Variants in MCFD2 observed in about 807,000 individuals in gnomAD.
MCFD2 encodes the protein multiple coagulation factor deficiency 2, ER cargo receptor complex subunit, also known as multiple coagulation factor deficiency protein 2.
A neutral mutation model predicts 12.8 loss-of-function variants in MCFD2; 11 were observed. That is an observed-to-expected ratio of 0.86 (90% CI 0.54 to 1.42). The LOEUF is 1.42. Ranked by LOEUF, MCFD2 falls within the 40% of genes most tolerant of loss-of-function variation. MCFD2 has a pLI of 0.00. For synonymous variants in MCFD2, 70 were observed against 68.1 expected (o/e 1.03, Z -0.14); for missense variants, 191 against 178.6 (o/e 1.07, Z -0.40).
At chr2:46,935,549 G>T (rs538103680) in intron 1 of MCFD2, among the ~76,000 whole-genome samples, 1 of 152,074 alleles carries the variant, frequency 6.6e-6, no homozygotes, top group Non-Finnish European at 1.5e-5. Flanking sequence ...TAAGCTTTGC[G>T]TTATCACAAA....
upstream of MCFD2, chr2:46,915,814 C>CCG: frequency 1.1e-4 from 1 of 9,292 alleles, no homozygotes; most frequent in Non-Finnish European, 2.0e-4. Flanking sequence ...TCGCCCCGCC[C>CCG]CCCCCCCCCC....
At chr2:46,923,465 A>G (rs1007908578) in intron 1 of MCFD2, among the ~76,000 whole-genome samples, 1 of 152,238 alleles carries the variant, frequency 6.6e-6, no homozygotes, top group African/African-American at 2.4e-5. Context: ...AACAGGGTCA[A>G]AGACCAAATA....
chr2:46,928,049 G>A lies in MCFD2; in HGVS notation c.-8+13523C>T, dbSNP rs567647591. On this transcript the variant is annotated intron_variant, in intron 1 of 2. Coordinates refer to the MCFD2 transcript ENST00000409147. ...GCTGACCACTGGCATACACCACCAC[G>A]CCCAGCTAGTTTTTGCATTTTTTGT... is the stretch of plus-strand genomic sequence containing the variant. Among the ~76,000 whole-genome samples, 11 of 151,536 alleles carry A rather than the reference G, an allele frequency of 7.3e-5. No individual in the cohort carries two copies. In the East Asian group the frequency reaches 2.0e-3, roughly 27 times the overall value.
At chr2:46,911,946 G>A (rs1436039092) in intron 1 of MCFD2, among the ~76,000 whole-genome samples, 1 of 152,110 alleles carries the variant, frequency 6.6e-6, no homozygotes, top group Admixed American at 6.5e-5. Flanking sequence ...AATACTATAT[G>A]GATCGGATAC....
intron 1 of MCFD2, among the ~76,000 whole-genome samples, chr2:46,926,527 C>G (rs1012178290): frequency 1.3e-5 from 2 of 152,188 alleles, no homozygotes; most frequent in Non-Finnish European, 2.9e-5. Flanking sequence ...GATGAGCCTT[C>G]TCATGGACCA....
At chr2:46,920,629 CCTTAGT>C (rs1669054548), upstream of MCFD2, among the ~76,000 whole-genome samples, 1 of 150,180 alleles carries the variant, frequency 6.7e-6, no homozygotes, top group Admixed American at 6.6e-5. Context: ...CCATGCCTGG[CCTTAGT>C]CTTAGGCTTT....
chr2:46,938,311 A>C (rs554189960), intron 1 of MCFD2, among the ~76,000 whole-genome samples: 1 of 152,356 alleles, frequency 6.6e-6, no homozygotes, highest in South Asian at 2.1e-4. Flanking sequence ...ACAAAATATC[A>C]ATCTTAAACT....
At chr2:46,926,646 G>C in intron 1 of MCFD2, among the ~76,000 whole-genome samples, 1 of 152,216 alleles carries the variant, frequency 6.6e-6, no homozygotes, top group East Asian at 1.9e-4. Context: ...AAAGCAACTG[G>C]ACGTCCTTTC....
intron 1 of MCFD2, among the ~76,000 whole-genome samples, chr2:46,911,874 G>A (rs981259107): frequency 6.6e-6 from 1 of 151,846 alleles, no homozygotes; most frequent in Non-Finnish European, 1.5e-5. Context: ...GCAGTGAGCC[G>A]AGATCTGCTA....
At chr2:46,912,093 C>G (rs764926360) in intron 1 of MCFD2, among the ~76,000 whole-genome samples, 2 of 151,882 alleles carry the variant, frequency 1.3e-5, no homozygotes, top group Non-Finnish European at 2.9e-5. Context: ...CCCAACACTT[C>G]GGGAGGCCGA....
At position 46,915,756 on chromosome 2, in the gene MCFD2, C is replaced by G. The variant is rs528217710; in HGVS notation, c.-40G>C. On this transcript the variant is annotated 5_prime_UTR_variant, in exon 1 of 4. Coordinates refer to ENST00000319466, the MANE Select transcript of MCFD2 (RefSeq NM_139279.6). ...TCTCCGAAGCAGACGCGAAGCCCTC[C>G]AACGTGAGCCTCACCAGCCCCCGTC... 6.3e-5 allele frequency: 62 copies of G among 979,802 alleles called. No homozygotes were observed. Among genetic ancestry groups the G allele is most frequent in the Non-Finnish European group, 7.5e-5 (62 of 825,244 alleles). 60.7% of individuals were successfully genotyped at this position (979,802 alleles called of 1,614,324 possible). A position where few individuals can be genotyped will look rare whatever the true frequency, so the allele number is the denominator to read the frequency against.
At chr2:46,922,764 G>A (rs1669173039) in intron 1 of MCFD2, among the ~76,000 whole-genome samples, 2 of 152,090 alleles carry the variant, frequency 1.3e-5, no homozygotes, top group African/African-American at 4.8e-5. Flanking sequence ...CACACTGGAG[G>A]AAGCACATCA....
In MCFD2 at chr2:46,908,034, A is replaced by T. The variant is rs753175920; in HGVS notation, c.150-65T>A. 2.5e-6 allele frequency: 4 copies of T among 1,587,818 alleles called. No individual in the cohort carries two copies. Among genetic ancestry groups the T allele is most frequent in the Non-Finnish European group, 3.4e-6 (4 of 1,161,532 alleles). On this transcript the variant is annotated intron_variant, in intron 2 of 3. Coordinates refer to ENST00000319466, the MANE Select transcript of MCFD2 (RefSeq NM_139279.6). The surrounding 1 kb of genome is among the most constrained non-coding windows in gnomAD (Gnocchi z 4.5). ...CTGGGATCATGCTGAAATCTTAAGGACTCTGAAAAGTTCAAGATCTTAAAC... is the reference window on the plus strand; with the variant it reads ...CTGGGATCATGCTGAAATCTTAAGGTCTCTGAAAAGTTCAAGATCTTAAAC...
intron 1 of MCFD2, among the ~76,000 whole-genome samples, chr2:46,924,970 C>T (rs1669311598): frequency 1.3e-5 from 2 of 152,338 alleles, no homozygotes; most frequent in South Asian, 4.1e-4. Context: ...TTTGGTAAAT[C>T]ATACATTTGG....
At chr2:46,909,313 T>A in intron 1 of MCFD2, 136 bp from the exon 2 acceptor site, 1 of 1,017,818 alleles carries the variant, frequency 9.8e-7, no homozygotes, top group African/African-American at 1.6e-5. Flanking sequence ...CACGGCCCAA[T>A]GCCAGCTCTG....
chr2:46,903,294 C>T lies in MCFD2; in HGVS notation c.*2169G>A, dbSNP rs79487300. ...TGTGGAACTTTAAGTCCAATTAAACCACTTTTTCTTCCCAGTCTCGGGTAT... is the reference window on the plus strand; with the variant it reads ...TGTGGAACTTTAAGTCCAATTAAACTACTTTTTCTTCCCAGTCTCGGGTAT... On this transcript the variant is annotated 3_prime_UTR_variant, in exon 4 of 4. Transcript: ENST00000319466. The T allele has an allele frequency of 9.6e-5, 15 of 156,146 alleles. No homozygotes were observed. The East Asian group carries it at 2.8e-3, about 29-fold the overall frequency. 9.7% of individuals were successfully genotyped at this position (156,146 alleles called of 1,614,324 possible). A position where few individuals can be genotyped will look rare whatever the true frequency, so the allele number is the denominator to read the frequency against.
chr2:46,908,713 AT>A lies in MCFD2; in HGVS notation c.149+309del. The A allele has an allele frequency of 2.3e-6, 1 of 434,344 alleles. No homozygotes were observed. The highest frequency in any genetic ancestry group is 4.7e-5 in the East Asian group (1 of 21,066). The allele number at this position is 434,344 out of a possible 1,614,324, so 26.9% of individuals were successfully genotyped here. The stretch of plus-strand genomic sequence containing the variant: ...TAGCTATTTTCTGGATTCTGCTACT[AT>A]GACTGTGTATGTGTACCTGTGTGTC... On this transcript the variant is annotated intron_variant, in intron 2 of 3. Transcript: ENST00000319466. This position sits in a 1 kb window ranked among gnomAD's most constrained non-coding sequence, Gnocchi z 4.5.
upstream of MCFD2, among the ~76,000 whole-genome samples, chr2:46,918,715 A>G (rs114697355): frequency 3.6e-3 from 550 of 152,366 alleles, 3 homozygotes; most frequent in African/African-American, 0.012. Flanking sequence ...TATAGGCCAC[A>G]TGCCAACCAA....
At chr2:46,911,016 GTCC>G (rs1395063226) in intron 1 of MCFD2, 3 of 152,180 alleles carry the variant, frequency 2.0e-5, no homozygotes, top group Non-Finnish European at 4.4e-5. Flanking sequence ...GTGAGACCCT[GTCC>G]TCCACCACCA....
Sources: gnomAD v4.1 joint callset for allele counts (sites outside exome capture counted in the v4.1 genomes callset) on GRCh38, gnomAD v4.1.1 for gene constraint, Gnocchi (gnomAD v3.1) non-coding constraint, MANE v1.5 for transcripts, NCBI Gene and HGNC (gene_info 2026-07-23, HGNC 2026-07-21) for gene names.